The following NAT1 variants were observed in gnomAD, a reference collection of about 807,000 sequenced individuals.
NAT1 encodes N-acetyltransferase 1.
For synonymous variants in NAT1, 144 were observed against 122.6 expected, an observed-to-expected ratio of 1.17 and a Z score of -1.16; for missense variants, 400 against 339.2, an observed-to-expected ratio of 1.18 and a Z score of -1.41.
intron 2 of NAT1, among the ~76,000 whole-genome samples, chr8:18,171,789 T>C (rs1255908215): frequency 6.6e-6 from 1 of 152,186 alleles, no homozygotes; most frequent in Non-Finnish European, 1.5e-5. Flanking sequence ...GTATTTCCTT[T>C]AGGGACTGAA....
chr8:18,213,633 A>C (rs1390368252), intron 1 of NAT1, among the ~76,000 whole-genome samples: 5 of 152,122 alleles, frequency 3.3e-5, no homozygotes, highest in African/African-American at 1.2e-4. Flanking sequence ...TCCTCAGCAG[A>C]GCATTGAGCC....
chr8:18,189,289 A>G (rs1802882375), intron 2 of NAT1, among the ~76,000 whole-genome samples: 1 of 152,076 alleles, frequency 6.6e-6, no homozygotes, highest in Admixed American at 6.6e-5. Context: ...CTCTCATAAT[A>G]ACGTTTATTG....
intron 2 of NAT1, among the ~76,000 whole-genome samples, chr8:18,175,062 G>C (rs995286509): frequency 1.3e-5 from 2 of 151,810 alleles, no homozygotes; most frequent in South Asian, 4.2e-4. Context: ...TTTGTAGAGA[G>C]TTTTAGTTTT....
intron 2 of NAT1, among the ~76,000 whole-genome samples, chr8:18,179,298 G>C (rs935751829): frequency 2.0e-5 from 3 of 152,128 alleles, no homozygotes; most frequent in Non-Finnish European, 4.4e-5. Context: ...AATAGCAGCA[G>C]ATAAGGTGAA....
chr8:18,222,607 G>T lies in NAT1; in HGVS notation c.560G>T (p.Arg187Leu). ...HSDLLEDSKY[R>L]KIYSFTLKPR... is the part of the protein sequence containing the mutation. ...GATCTCCTAGAAGACAGCAAATACC[G>T]AAAAATCTACTCCTTTACTCTTAAG... Residue 187 changes from arginine to leucine, a missense_variant, in exon 3 of 3, where the codon CGA becomes CTA. Physicochemically the swap from Arg to Leu is moderately radical, Grantham distance 102. Coordinates refer to ENST00000307719, the MANE Select transcript of NAT1 (RefSeq NM_000662.8). 6.2e-7 allele frequency: 1 copy of T among 1,612,698 alleles called. No individual in the cohort carries two copies. The highest frequency in any genetic ancestry group is 1.1e-5 in the South Asian group (1 of 90,874).
intron 2 of NAT1, among the ~76,000 whole-genome samples, chr8:18,200,582 G>A (rs984883391): frequency 1.3e-5 from 2 of 152,116 alleles, no homozygotes; most frequent in African/African-American, 2.4e-5. Context: ...TACCTCTCAA[G>A]TACTATGCTT....
rs1294831136 is a variant in NAT1 at position 18,222,343 on chromosome 8, A to G, written c.296A>G (p.Lys99Arg). The change falls in exon 3 of 3, where the codon AAA (lysine) becomes AGA (arginine). Residue 99 changes from lysine (K) to arginine (R), a missense_variant. Coordinates refer to ENST00000307719, the MANE Select transcript of NAT1 (RefSeq NM_000662.8). ...LGGYVYSTPA[K>R]KYSTGMIHLL... ...GGGTATGTTTACAGCACTCCAGCCA[A>G]AAAATACAGCACTGGCATGATTCAC... 1 of 1,614,116 alleles carries G rather than the reference A, an allele frequency of 6.2e-7. No homozygotes were observed.
intron 2 of NAT1, among the ~76,000 whole-genome samples, chr8:18,173,285 A>C (rs770652529): frequency 6.6e-6 from 1 of 152,190 alleles, no homozygotes; most frequent in Non-Finnish European, 1.5e-5. Flanking sequence ...CTTTAGAATC[A>C]GGGTGTCTCG....
At chr8:18,177,879 T>C (rs1013871472) in intron 2 of NAT1, among the ~76,000 whole-genome samples, 5 of 152,120 alleles carry the variant, frequency 3.3e-5, no homozygotes, top group African/African-American at 9.6e-5. Context: ...TTTTATTTAA[T>C]GTAGCCTTAA....
chr8:18,176,653 T>C (rs904128265), intron 2 of NAT1, among the ~76,000 whole-genome samples: 2 of 151,858 alleles, frequency 1.3e-5, no homozygotes, highest in African/African-American at 4.8e-5. Context: ...GGAAATGTGA[T>C]GCCTTCTACT....
intron 1 of NAT1, among the ~76,000 whole-genome samples, chr8:18,216,513 A>G (rs1200286339): frequency 6.6e-6 from 1 of 152,172 alleles, no homozygotes; most frequent in Non-Finnish European, 1.5e-5. Flanking sequence ...AGGAAACCAC[A>G]GCATATCCTG....
At chr8:18,181,449 A>G (rs965439492) in intron 2 of NAT1, among the ~76,000 whole-genome samples, 5 of 152,186 alleles carry the variant, frequency 3.3e-5, no homozygotes, top group East Asian at 3.9e-4. Context: ...GAATTTATCA[A>G]TTTGAACAGT....
At chr8:18,181,688 A>G (rs965899733) in intron 2 of NAT1, among the ~76,000 whole-genome samples, 1 of 152,212 alleles carries the variant, frequency 6.6e-6, no homozygotes, top group Non-Finnish European at 1.5e-5. Flanking sequence ...ATTTTTCTCC[A>G]TTTGGTATGA....
intron 2 of NAT1, among the ~76,000 whole-genome samples, chr8:18,199,494 G>T (rs1412740251): frequency 6.6e-6 from 1 of 152,010 alleles, no homozygotes; most frequent in East Asian, 1.9e-4. Flanking sequence ...GACCCCTTAA[G>T]GAACAGAGAA....
chr8:18,217,943 G>T (rs906359358), intron 1 of NAT1, among the ~76,000 whole-genome samples: 1 of 152,146 alleles, frequency 6.6e-6, no homozygotes, highest in African/African-American at 2.4e-5. Context: ...AGGCTAGGCA[G>T]GGGTTTCTTT....
chr8:18,205,329 C>T (rs1803664067), upstream of NAT1, among the ~76,000 whole-genome samples: 1 of 152,156 alleles, frequency 6.6e-6, no homozygotes, highest in Admixed American at 6.5e-5. Flanking sequence ...TGTGCATGGT[C>T]ATACTGGTGG....
At chr8:18,208,813 G>T (rs1803850104), upstream of NAT1, among the ~76,000 whole-genome samples, 2 of 152,282 alleles carry the variant, frequency 1.3e-5, no homozygotes, top group South Asian at 2.1e-4. Flanking sequence ...CCCCGCCCCG[G>T]GTCAGAGGGA....
At chr8:18,185,973 T>C (rs1394772871) in intron 2 of NAT1, among the ~76,000 whole-genome samples, 7 of 152,180 alleles carry the variant, frequency 4.6e-5, no homozygotes, top group African/African-American at 1.2e-4. Context: ...CTTTTTGTTA[T>C]TGGTTTCTAG....
chr8:18,202,452 T>G (rs1589088166), intron 2 of NAT1, among the ~76,000 whole-genome samples: 1 of 152,212 alleles, frequency 6.6e-6, no homozygotes, highest in Non-Finnish European at 1.5e-5. Context: ...AGGTTCTTGG[T>G]CTCACTGACT....
Sources: gnomAD v4.1 joint callset for allele counts (sites outside exome capture counted in the v4.1 genomes callset) on GRCh38, gnomAD v4.1.1 for gene constraint, MANE v1.5 for transcripts, NCBI Gene and HGNC (gene_info 2026-07-23, HGNC 2026-07-21) for gene names.